The following KCNIP1 variants were observed in gnomAD, a reference collection of about 807,000 sequenced individuals.
KCNIP1 encodes the protein A-type potassium channel modulatory protein KCNIP1.
A neutral mutation model predicts 33.0 loss-of-function variants in KCNIP1; 18 were observed. The ratio of observed to expected loss-of-function variants is 0.55; its 90% CI spans 0.38 to 0.81. The LOEUF (loss-of-function observed/expected upper bound fraction) is 0.81. KCNIP1 is among the 30% of genes least tolerant of loss of function. The pLI is 0.00. For synonymous variants in KCNIP1, 93 were observed against 98.3 expected, an observed-to-expected ratio of 0.95 and a Z score of 0.32; for missense variants, 238 against 271.6, an observed-to-expected ratio of 0.88 and a Z score of 0.87.
chr5:170,486,403 T>C (rs984114692), intron 1 of KCNIP1: 1 of 152,262 alleles, frequency 6.6e-6, no homozygotes, highest in Non-Finnish European at 1.5e-5. Context: ...GGCAGAAATT[T>C]CAAACAAGGG....
At chr5:170,390,517 A>AAAAAAATAT in intron 1 of KCNIP1, among the ~76,000 whole-genome samples, 1 of 74,544 alleles carries the variant, frequency 1.3e-5, no homozygotes, top group Non-Finnish European at 2.5e-5. Flanking sequence ...AAAAAAAACA[A>AAAAAAATAT]ATATATATAT....
chr5:170,613,854 A>C (rs756411117), intron 1 of KCNIP1, among the ~76,000 whole-genome samples: 3 of 152,202 alleles, frequency 2.0e-5, no homozygotes, highest in Non-Finnish European at 2.9e-5. Context: ...TGTCATGTGA[A>C]TCCTTCACAG....
intron 1 of KCNIP1, among the ~76,000 whole-genome samples, chr5:170,662,596 T>C (rs1761543109): frequency 6.6e-6 from 1 of 152,036 alleles, no homozygotes; most frequent in African/African-American, 2.4e-5. Context: ...CCTTGCCACC[T>C]CCCCAGGCTA....
chr5:170,416,904 C>T (rs1755346061), intron 1 of KCNIP1, among the ~76,000 whole-genome samples: 2 of 152,280 alleles, frequency 1.3e-5, no homozygotes, highest in Non-Finnish European at 2.9e-5. Flanking sequence ...ACAAAGAAAT[C>T]CACCCTTTAA....
At chr5:170,573,544 G>C (rs1044004095) in intron 1 of KCNIP1, among the ~76,000 whole-genome samples, 2 of 152,042 alleles carry the variant, frequency 1.3e-5, no homozygotes, top group Non-Finnish European at 2.9e-5. Context: ...CATCTATGTT[G>C]GGGGTCCACA....
At chr5:170,630,954 A>C (rs1220268291) in intron 1 of KCNIP1, among the ~76,000 whole-genome samples, 1 of 152,192 alleles carries the variant, frequency 6.6e-6, no homozygotes, top group African/African-American at 2.4e-5. Context: ...TAAGCAACTG[A>C]TAACAGCTGT....
rs1236373527 is a variant in KCNIP1, at chr5:170,489,610, C to T, written c.88+135646C>T. Among the ~76,000 whole-genome samples the T allele has an allele frequency of 6.6e-6, 1 of 152,202 alleles. No individual in the cohort carries two copies. Among genetic ancestry groups the T allele is most frequent in the Non-Finnish European group, 1.5e-5 (1 of 68,040 alleles). ...CAAAATACAACTGTGATGTTATTTG[C>T]AGCAGGCATTCTGGACCCAGAACTG... On this transcript the variant is annotated intron_variant, in intron 1 of 7. Coordinates refer to the KCNIP1 transcript ENST00000377360. The surrounding 1 kb of genome is among the most constrained non-coding windows in gnomAD (Gnocchi z 4.3).
chr5:170,395,788 A>G (rs1488530053), intron 1 of KCNIP1, among the ~76,000 whole-genome samples: 2 of 152,234 alleles, frequency 1.3e-5, no homozygotes, highest in Non-Finnish European at 2.9e-5. Flanking sequence ...CTCAGAACAC[A>G]AGAAATGCCA....
At chr5:170,526,419 G>A (rs1258635964) in intron 1 of KCNIP1, among the ~76,000 whole-genome samples, 1 of 152,194 alleles carries the variant, frequency 6.6e-6, no homozygotes, top group Non-Finnish European at 1.5e-5. Flanking sequence ...GTTCCAGTCT[G>A]GGCTTTTCTG....
chr5:170,432,667 G>C (rs17740076), intron 1 of KCNIP1, among the ~76,000 whole-genome samples: 3,431 of 152,292 alleles, frequency 0.023, 108 homozygotes, highest in Admixed American at 0.084. Flanking sequence ...GTGATGATGT[G>C]TTATCCCAAG....
At chr5:170,544,229 A>C (rs114760883) in intron 1 of KCNIP1, among the ~76,000 whole-genome samples, 2,558 of 152,242 alleles carry the variant, frequency 0.017, 94 homozygotes, top group African/African-American at 0.059. Flanking sequence ...CCTAACCATC[A>C]TGGCGGAAAC....
At chr5:170,459,459 T>A (rs1450114851) in intron 1 of KCNIP1, among the ~76,000 whole-genome samples, 1 of 152,186 alleles carries the variant, frequency 6.6e-6, no homozygotes. Flanking sequence ...TGAGCCTTGA[T>A]AAATTTAAGA....
Position 170,615,657 on chromosome 5 carries a change from T to C in KCNIP1, c.62-103101T>C, listed in dbSNP as rs147160361. 1.8e-3 allele frequency among the ~76,000 whole-genome samples: 274 copies of C among 152,308 alleles called. 1 individual carries two copies. The highest frequency in any genetic ancestry group is 6.4e-3 in the African/African-American group (267 of 41,568). The stretch of plus-strand genomic sequence containing the variant: ...GGCACCTGGTACCCTCCACTTGCCA[T>C]GGTAACAGAGGATTACAGGCTCTAA... On this transcript the variant is annotated intron_variant, in intron 1 of 7. Coordinates refer to ENST00000328939, the MANE Select transcript of KCNIP1 (RefSeq NM_014592.4).
intron 1 of KCNIP1, among the ~76,000 whole-genome samples, chr5:170,635,325 C>T (rs1242112530): frequency 2.6e-5 from 4 of 152,156 alleles, no homozygotes; most frequent in Admixed American, 6.5e-5. Context: ...CCATCACGCC[C>T]GGCCAAGAAG....
intron 1 of KCNIP1, among the ~76,000 whole-genome samples, chr5:170,524,783 C>G (rs1366520636): frequency 1.3e-5 from 2 of 152,012 alleles, no homozygotes; most frequent in Non-Finnish European, 2.9e-5. Flanking sequence ...CCATGGCCAC[C>G]CCAGGACCCA....
chr5:170,451,534 G>A (rs1414766917), intron 1 of KCNIP1, among the ~76,000 whole-genome samples: 2 of 151,376 alleles, frequency 1.3e-5, no homozygotes, highest in East Asian at 1.9e-4. Context: ...CTGGTCTTTG[G>A]CTAAAGGGCA....
chr5:170,688,892 C>A (rs1440294431), intron 1 of KCNIP1, among the ~76,000 whole-genome samples: 2 of 151,618 alleles, frequency 1.3e-5, no homozygotes, highest in African/African-American at 4.8e-5. Context: ...TAGATCATCA[C>A]CTGGCTTCTC....
chr5:170,617,770 T>C (rs1163078513), intron 1 of KCNIP1, among the ~76,000 whole-genome samples: 1 of 152,202 alleles, frequency 6.6e-6, no homozygotes, highest in Admixed American at 6.5e-5. Flanking sequence ...GGATTCTTTT[T>C]TTATGACCCA....
At chr5:170,588,531 C>T (rs939198934) in intron 1 of KCNIP1, among the ~76,000 whole-genome samples, 1 of 152,106 alleles carries the variant, frequency 6.6e-6, no homozygotes, top group East Asian at 1.9e-4. Context: ...GGGGATGCCA[C>T]GTGATTGTTT....
Sources: gnomAD v4.1 joint callset for allele counts (sites outside exome capture counted in the v4.1 genomes callset) on GRCh38, gnomAD v4.1.1 for gene constraint, Gnocchi (gnomAD v3.1) non-coding constraint, MANE v1.5 for transcripts, NCBI Gene and HGNC (gene_info 2026-07-23, HGNC 2026-07-21) for gene names.